MGST2: variants seen among roughly 807,000 people sequenced by gnomAD.
MGST2 encodes the protein glutathione peroxidase MGST2.
A neutral mutation model predicts 16.6 loss-of-function variants in MGST2; 9 were observed. The ratio of observed to expected loss-of-function variants is 0.54; its 90% CI spans 0.33 to 0.95. MGST2 has a LOEUF of 0.95. MGST2 is among the 40% of genes least tolerant of loss of function. The probability of loss-of-function intolerance (pLI) is 0.03; values close to 1 mark genes in which losing one functional copy is unlikely to be tolerated. For synonymous variants in MGST2, 79 were observed against 68.0 expected (o/e 1.16, Z -0.79); for missense variants, 159 against 175.1 (o/e 0.91, Z 0.52).
At chr4:139,690,660 T>C (rs1405068430) in intron 2 of MGST2, among the ~76,000 whole-genome samples, 2 of 152,184 alleles carry the variant, frequency 1.3e-5, no homozygotes, top group African/African-American at 4.8e-5. Context: ...GCTGTGCAAC[T>C]GTTAGAGCTA....
chr4:139,676,986 A>G (rs1427294841), intron 1 of MGST2, among the ~76,000 whole-genome samples: 1 of 152,132 alleles, frequency 6.6e-6, no homozygotes, highest in Non-Finnish European at 1.5e-5. Context: ...AACACTTACC[A>G]TCTATTTTCT....
intron 5 of MGST2, among the ~76,000 whole-genome samples, chr4:139,732,328 T>G (rs1449061538): frequency 6.6e-6 from 1 of 152,178 alleles, no homozygotes; most frequent in Non-Finnish European, 1.5e-5. Context: ...CCTCCCTTCC[T>G]TCTGTGGTGT....
chr4:139,720,630 G>C (rs11723251), intron 5 of MGST2, among the ~76,000 whole-genome samples: 1 of 152,108 alleles, frequency 6.6e-6, no homozygotes, highest in Non-Finnish European at 1.5e-5. Context: ...GGATCGTACT[G>C]TGCATGTGTT....
chr4:139,669,481 CA>C (rs1295892403), intron 1 of MGST2, among the ~76,000 whole-genome samples: 2 of 152,310 alleles, frequency 1.3e-5, no homozygotes, highest in African/African-American at 4.8e-5. Context: ...ATGTTACCAT[CA>C]AAGAGGGTTT....
chr4:139,721,381 T>C (rs1052666184), intron 5 of MGST2, among the ~76,000 whole-genome samples: 3 of 152,188 alleles, frequency 2.0e-5, no homozygotes, highest in Non-Finnish European at 2.9e-5. Context: ...CTGCTAATGA[T>C]TGAGTCTATG....
rs754118240 is a variant in MGST2 at position 139,702,227 on chromosome 4, C to G, written c.230-1228C>G. ...GATAAATTTTGTATGTAATAAAATG[C>G]ATAAATCTTCAATGAATGTTGAGAA... On this transcript the variant is annotated intron_variant, in intron 3 of 4. Transcript: ENST00000265498. Among the ~76,000 whole-genome samples the G allele has an allele frequency of 9.9e-5, 15 of 152,096 alleles. 1 individual carries two copies. Among genetic ancestry groups the G allele is most frequent in the Admixed American group, 9.8e-4 (15 of 15,268 alleles).
intron 3 of MGST2, among the ~76,000 whole-genome samples, chr4:139,699,533 G>A (rs1265194543): frequency 6.6e-6 from 1 of 152,092 alleles, no homozygotes; most frequent in Non-Finnish European, 1.5e-5. Context: ...TGATTCATTT[G>A]TGAGTTTTGT....
At position 139,667,239 on chromosome 4, in the gene MGST2, T is replaced by C. The variant is rs556814066; in HGVS notation, c.58+1162T>C. On this transcript the variant is annotated intron_variant, in intron 1 of 4. Transcript: ENST00000265498. ...AAACGGAAGCATATAGTTCACGATG[T>C]ACGGAGAAACCTTTAGGCTGAACTT... Among the ~76,000 whole-genome samples the C allele has an allele frequency of 5.3e-5, 8 of 152,250 alleles. No homozygotes were observed. The South Asian group carries it at 1.0e-3, about 20-fold the overall frequency.
At chr4:139,695,882 C>T (rs992326056) in intron 3 of MGST2, among the ~76,000 whole-genome samples, 1 of 152,078 alleles carries the variant, frequency 6.6e-6, no homozygotes, top group Non-Finnish European at 1.5e-5. Context: ...TGCTGACCCC[C>T]CGCCCCACAC....
intron 1 of MGST2, 40 bp downstream of exon 1, chr4:139,666,117 C>CGCGTGCGCGT: frequency 2.0e-6 from 2 of 1,025,218 alleles, no homozygotes; most frequent in Non-Finnish European, 2.5e-6. Flanking sequence ...CGCGTGTGTG[C>CGCGTGCGCGT]GTGTGTGTGT....
chr4:139,706,673 AAC>A (rs1220897029), downstream of MGST2, among the ~76,000 whole-genome samples: 3 of 152,024 alleles, frequency 2.0e-5, no homozygotes, highest in Non-Finnish European at 2.9e-5. Context: ...GGCAGGGTAA[AAC>A]ACACACATAC....
chr4:139,749,886 C>CA, the MGST2 span, among the ~76,000 whole-genome samples: 3 of 63,012 alleles, frequency 4.8e-5, no homozygotes, highest in African/African-American at 2.2e-4. Flanking sequence ...TGAATAAGAA[C>CA]CCCCCCCCAC....
Position 139,695,198 on chromosome 4 carries a change from C to T in MGST2, c.160C>T (p.Gln54Ter). The change falls in exon 3 of 5, where the codon CAA becomes TAA. Residue 54 changes from glutamine to a stop codon, truncating the protein, a stop_gained and splice_region_variant. Transcript: ENST00000265498. LOFTEE classifies it high-confidence loss of function. Reference protein sequence around the residue: ...PEFERVFRAQQNCVEFYPIFI... With the variant: ...PEFERVFRAQ ...CTATGTCTTTATTTTTTTCTGCAGA[C>T]AAAACTGTGTGGAGTTTTATCCTAT... The T allele has an allele frequency of 1.9e-6, 3 of 1,610,058 alleles. No homozygotes were observed. The highest frequency in any genetic ancestry group is 2.6e-6 in the Non-Finnish European group (3 of 1,176,334).
chr4:139,671,208 G>A (rs1730677040), intron 1 of MGST2, among the ~76,000 whole-genome samples: 1 of 152,152 alleles, frequency 6.6e-6, no homozygotes, highest in East Asian at 1.9e-4. Flanking sequence ...CCTCACGGCA[G>A]GGAATTCAGT....
At position 139,703,924 on chromosome 4, in the gene MGST2, C is replaced by T. The variant is rs1232803394; in HGVS notation, c.312-92C>T. The T allele has an allele frequency of 1.3e-5, 19 of 1,509,884 alleles. No individual in the cohort carries two copies. The Admixed American group carries it at 3.0e-4, about 24-fold the overall frequency. 93.5% of individuals were successfully genotyped at this position (1,509,884 alleles called of 1,614,324 possible). A position where few individuals can be genotyped will look rare whatever the true frequency, so the allele number is the denominator to read the frequency against. On this transcript the variant is annotated intron_variant, in intron 4 of 4. Transcript: ENST00000265498. ...ATTGCAAAAATATAGAAGTTCTGGA[C>T]AGTGTTAACGATAGGACAGCCTACC...
chr4:139,691,302 G>A (rs1423529841), intron 2 of MGST2, among the ~76,000 whole-genome samples: 1 of 152,216 alleles, frequency 6.6e-6, no homozygotes, highest in Non-Finnish European at 1.5e-5. Flanking sequence ...CCTGTAATAA[G>A]AGGATAGAAT....
intron 4 of MGST2, 87 bp downstream of exon 4, chr4:139,703,623 A>G (rs547240738): frequency 8.0e-7 from 1 of 1,251,654 alleles, no homozygotes; most frequent in Non-Finnish European, 1.2e-6. Context: ...AGATATTAAC[A>G]GCACTGTGAG....
chr4:139,710,301 T>C (rs1471330032), intron 5 of MGST2, among the ~76,000 whole-genome samples: 1 of 152,214 alleles, frequency 6.6e-6, no homozygotes, highest in African/African-American at 2.4e-5. Flanking sequence ...TCTAGTGACT[T>C]TCTAGAAAAA....
chr4:139,689,459 C>T (rs1341443269), intron 2 of MGST2, among the ~76,000 whole-genome samples: 1 of 152,192 alleles, frequency 6.6e-6, no homozygotes, highest in African/African-American at 2.4e-5. Context: ...CTCCAGCAAC[C>T]TCTCATCCCC....
Sources: allele counts gnomAD v4.1 joint callset (sites outside exome capture counted in the v4.1 genomes callset), GRCh38; gene constraint gnomAD v4.1.1; transcripts MANE v1.5; gene names NCBI Gene and HGNC (gene_info 2026-07-23, HGNC 2026-07-21).